The following PHLDB2 variants were observed in gnomAD, a reference collection of about 807,000 sequenced individuals.
The protein encoded by PHLDB2 is pleckstrin homology like domain family B member 2.
Under a neutral mutation model 123.6 loss-of-function variants are expected in PHLDB2, and 71 were observed. The observed-to-expected ratio is 0.57, with a 90% confidence interval of 0.47 to 0.70. The LOEUF is 0.70. PHLDB2 is among the 30% of genes least tolerant of loss of function. The pLI is 0.00. For synonymous variants in PHLDB2, 547 were observed against 541.6 expected (o/e 1.01, Z -0.14); for missense variants, 1,446 against 1,519.5 (o/e 0.95, Z 0.80).
chr3:111,812,857 C>A (rs1039064856), intron 1 of PHLDB2, among the ~76,000 whole-genome samples: 5 of 152,154 alleles, frequency 3.3e-5, no homozygotes, highest in African/African-American at 1.2e-4. Context: ...AACAATCAAG[C>A]TTTTACAGCC....
chr3:111,819,527 A>C (rs1480339508), intron 1 of PHLDB2, among the ~76,000 whole-genome samples: 1 of 152,212 alleles, frequency 6.6e-6, no homozygotes, highest in Non-Finnish European at 1.5e-5. Flanking sequence ...GACAATGAGT[A>C]CAGGAGAGCT....
At chr3:111,834,823 C>A (rs1052938844) in intron 1 of PHLDB2, among the ~76,000 whole-genome samples, 1 of 152,044 alleles carries the variant, frequency 6.6e-6, no homozygotes, top group East Asian at 1.9e-4. Flanking sequence ...TATTCCTGAC[C>A]TGATATCCCC....
chr3:111,769,574 T>C (rs574647974), intron 1 of PHLDB2, among the ~76,000 whole-genome samples: 1 of 152,340 alleles, frequency 6.6e-6, no homozygotes, highest in East Asian at 1.9e-4. Context: ...ACGACTACAG[T>C]GCTGATAGCA....
chr3:111,825,313 G>C (rs887027691), intron 1 of PHLDB2, among the ~76,000 whole-genome samples: 1 of 152,182 alleles, frequency 6.6e-6, no homozygotes, highest in Admixed American at 6.5e-5. Flanking sequence ...CAAAAAGAGA[G>C]GTCCTTGGGG....
rs574228698 is a variant in PHLDB2, at chr3:111,816,864, G to A, written c.-48-28957G>A. 2.6e-5 allele frequency among the ~76,000 whole-genome samples: 4 copies of A among 152,324 alleles called. No individual in the cohort carries two copies. The South Asian group carries it at 6.2e-4, about 24-fold the overall frequency. ...GTAACTCCCACAATTTCCACATGTT[G>A]TGGGAACAACCCAGTGGGAGGTGAT... is the stretch of plus-strand genomic sequence containing the variant. On this transcript the variant is annotated intron_variant, in intron 1 of 17. Transcript: ENST00000393923.
At chr3:111,792,920 A>C (rs2060989633) in intron 1 of PHLDB2, among the ~76,000 whole-genome samples, 1 of 152,228 alleles carries the variant, frequency 6.6e-6, no homozygotes, top group African/African-American at 2.4e-5. Context: ...AAGGTTATTT[A>C]TAGCTGAGGG....
At chr3:111,820,789 G>A (rs2062336433) in intron 1 of PHLDB2, among the ~76,000 whole-genome samples, 1 of 152,232 alleles carries the variant, frequency 6.6e-6, no homozygotes. Flanking sequence ...TGGCCGGAAT[G>A]AGGCTCTATA....
At chr3:111,767,240 T>C (rs2060099272) in intron 1 of PHLDB2, among the ~76,000 whole-genome samples, 1 of 152,094 alleles carries the variant, frequency 6.6e-6, no homozygotes, top group African/African-American at 2.4e-5. Flanking sequence ...AAGGGACTTT[T>C]CCAGTGGACT....
At chr3:111,838,971 T>G (rs1486456613) in intron 1 of PHLDB2, among the ~76,000 whole-genome samples, 4 of 152,224 alleles carry the variant, frequency 2.6e-5, no homozygotes, top group Non-Finnish European at 1.5e-5. Context: ...TCTATTTTTA[T>G]AGTCTGCTTC....
chr3:111,953,699 T>C, intron 11 of PHLDB2: 1 of 414,826 alleles, frequency 2.4e-6, no homozygotes. Flanking sequence ...TGTCTTCACT[T>C]TTGGAATTGC....
In PHLDB2 at chr3:111,959,834, G is replaced by T. The variant is rs745896251; in HGVS notation, c.2873-2274G>T. ...ACCTTCTTTCCTGCTTTTCCAAGAT[G>T]GTGGTAATTGCTTCATATGGGTTGG... On this transcript the variant is annotated intron_variant, in intron 12 of 17. Coordinates refer to ENST00000431670, the MANE Select transcript of PHLDB2 (RefSeq NM_001134438.2). 1.0e-3 allele frequency among the ~76,000 whole-genome samples: 157 copies of T among 152,294 alleles called. 1 individual carries two copies. Among genetic ancestry groups the T allele is most frequent in the Non-Finnish European group, 8.4e-4 (57 of 68,030 alleles).
At chr3:111,852,567 A>C (rs2064304801) in intron 2 of PHLDB2, among the ~76,000 whole-genome samples, 1 of 152,078 alleles carries the variant, frequency 6.6e-6, no homozygotes, top group Non-Finnish European at 1.5e-5. Context: ...AGAGAAGCTG[A>C]GTTCTCTTCA....
chr3:111,736,126 A>G (rs1291770744), intron 1 of PHLDB2, among the ~76,000 whole-genome samples: 1 of 152,190 alleles, frequency 6.6e-6, no homozygotes, highest in Non-Finnish European at 1.5e-5. Context: ...AAGGAACCAC[A>G]AAACACACAT....
chr3:111,843,253 T>C (rs2063776232), intron 1 of PHLDB2, among the ~76,000 whole-genome samples: 1 of 152,236 alleles, frequency 6.6e-6, no homozygotes. Context: ...CCAATACTTG[T>C]TACAATCTGT....
intron 1 of PHLDB2, among the ~76,000 whole-genome samples, chr3:111,806,962 G>A (rs2061615956): frequency 6.6e-6 from 1 of 151,834 alleles, no homozygotes; most frequent in South Asian, 2.1e-4. Flanking sequence ...AGATGAAGAA[G>A]TTCTAGTTAT....
At chr3:111,845,406 A>G (rs2063929540) in intron 1 of PHLDB2, among the ~76,000 whole-genome samples, 1 of 150,428 alleles carries the variant, frequency 6.6e-6, no homozygotes, top group Admixed American at 6.6e-5. Context: ...TGTAAAAAGT[A>G]GAAGAAATAG....
At chr3:111,910,373 T>C (rs1396428601) in intron 2 of PHLDB2, among the ~76,000 whole-genome samples, 1 of 152,198 alleles carries the variant, frequency 6.6e-6, no homozygotes, top group Admixed American at 6.5e-5. Flanking sequence ...GTATGTAGGC[T>C]CTGTACTTGG....
chr3:111,885,879 T>C (rs2066135660), intron 2 of PHLDB2: 1 of 467,622 alleles, frequency 2.1e-6, no homozygotes, highest in Admixed American at 3.9e-5. Flanking sequence ...AAAGTTGGAG[T>C]TGCCTCAGTG....
At chr3:111,970,329 G>T (rs2072083827) in intron 16 of PHLDB2, among the ~76,000 whole-genome samples, 1 of 151,916 alleles carries the variant, frequency 6.6e-6, no homozygotes, top group Admixed American at 6.6e-5. Flanking sequence ...ATCATTATAG[G>T]GTGGGATCAG....
Sources: gnomAD v4.1 joint callset for allele counts (sites outside exome capture counted in the v4.1 genomes callset) on GRCh38, gnomAD v4.1.1 for gene constraint, MANE v1.5 for transcripts, NCBI Gene and HGNC (gene_info 2026-07-23, HGNC 2026-07-21) for gene names.